Variants in FBXW4 observed in about 807,000 individuals in gnomAD.
FBXW4 encodes F-box/WD repeat-containing protein 4.
In FBXW4, 40 loss-of-function variants were observed where a neutral mutation model predicts 61.8. The ratio of observed to expected loss-of-function variants is 0.65; its 90% CI spans 0.50 to 0.84. The LOEUF (loss-of-function observed/expected upper bound fraction) is 0.84. Ranked by LOEUF, FBXW4 falls within the 40% of genes least tolerant of loss-of-function variation. The pLI is 0.00. For synonymous variants in FBXW4, 311 were observed against 313.8 expected (o/e 0.99, Z 0.10); for missense variants, 672 against 753.8 (o/e 0.89, Z 1.27).
chr10:101,668,657 G>A (rs530449150), intron 4 of FBXW4, among the ~76,000 whole-genome samples: 1 of 152,258 alleles, frequency 6.6e-6, no homozygotes, highest in Admixed American at 6.5e-5. Context: ...ATTGCTTGGA[G>A]CACATTATCT....
intron 6 of FBXW4, among the ~76,000 whole-genome samples, chr10:101,613,732 G>A (rs1046073887): frequency 6.6e-6 from 1 of 152,218 alleles, no homozygotes; most frequent in African/African-American, 2.4e-5. Context: ...CAAAGGAGGA[G>A]ACTGGGGGTT....
intron 5 of FBXW4, among the ~76,000 whole-genome samples, chr10:101,660,910 G>A (rs1285369593): frequency 6.6e-6 from 1 of 152,204 alleles, no homozygotes; most frequent in Non-Finnish European, 1.5e-5. Context: ...AGACTATGCT[G>A]TCTAGTTCAC....
At chr10:101,674,664 AAC>A (rs1433838249) in intron 2 of FBXW4, among the ~76,000 whole-genome samples, 1 of 152,254 alleles carries the variant, frequency 6.6e-6, no homozygotes, top group Non-Finnish European at 1.5e-5. Flanking sequence ...GCAATGGAAA[AAC>A]ACAGCCCCAG....
rs573858151 is a variant in FBXW4 at position 101,637,479 on chromosome 10, G to A, written c.1236-12669C>T. On this transcript the variant is annotated intron_variant, in intron 5 of 8. Coordinates refer to ENST00000331272, the MANE Select transcript of FBXW4 (RefSeq NM_022039.4). Reference sequence around the variant, plus strand: ...TCCCAGCACTTTGGGAGACCAAGGCGGGCAGATCACTTGAGGCTAGGAGTT... The same window carrying A: ...TCCCAGCACTTTGGGAGACCAAGGCAGGCAGATCACTTGAGGCTAGGAGTT... Among the ~76,000 whole-genome samples, 16 of 150,778 alleles carry A rather than the reference G, an allele frequency of 1.1e-4. No homozygotes were observed. The South Asian group carries it at 1.3e-3, about 12-fold the overall frequency.
Position 101,695,015 on chromosome 10 carries a change from C to CCCT in FBXW4, c.88_90dup (p.Arg30dup), listed in dbSNP as rs1258515521. 1.9e-6 allele frequency: 2 copies of CCCT among 1,074,400 alleles called. No individual in the cohort carries two copies. The highest frequency in any genetic ancestry group is 3.3e-5 in the African/African-American group (2 of 60,376). The allele number at this position is 1,074,400 out of a possible 1,614,324, so 66.6% of individuals were successfully genotyped here. ...CCCTTCCTTCGCTTCCCCCTCGCCA[C>CCCT]CCTCCCTTCCTGCAGCTTCCTCGCC... On this transcript the variant is annotated inframe_insertion, in exon 1 of 9. Transcript: ENST00000331272. This position sits in a 1 kb window ranked among gnomAD's most constrained non-coding sequence, Gnocchi z 4.2.
At chr10:101,683,382 C>T (rs1235802365) in intron 1 of FBXW4, among the ~76,000 whole-genome samples, 2 of 152,202 alleles carry the variant, frequency 1.3e-5, no homozygotes, top group East Asian at 3.8e-4. Context: ...CTCATTTTTC[C>T]ACTAGGCCCC....
At chr10:101,648,369 C>T (rs980048919) in intron 5 of FBXW4, among the ~76,000 whole-genome samples, 1 of 152,176 alleles carries the variant, frequency 6.6e-6, no homozygotes, top group African/African-American at 2.4e-5. Flanking sequence ...AAAACAGTAT[C>T]TTTTCTCAGC....
chr10:101,668,043 C>T, intron 4 of FBXW4, 63 bp from the exon 5 acceptor site: 5 of 1,281,140 alleles, frequency 3.9e-6, no homozygotes, highest in East Asian at 2.3e-5. Context: ...AGGAGAGGTG[C>T]TCCGGGAGAG....
chr10:101,687,276 C>G (rs1343978667), intron 1 of FBXW4, among the ~76,000 whole-genome samples: 1 of 152,164 alleles, frequency 6.6e-6, no homozygotes, highest in African/African-American at 2.4e-5. Flanking sequence ...CTTCGGACTG[C>G]TCCCAACAGC....
chr10:101,677,026 C>A (rs12261112), intron 1 of FBXW4, among the ~76,000 whole-genome samples: 1,574 of 152,152 alleles, frequency 0.01, 25 homozygotes, highest in African/African-American at 0.032. Context: ...GAATTTGTAC[C>A]GTGATGAGGA....
chr10:101,638,561 T>C (rs2064023968), intron 5 of FBXW4, among the ~76,000 whole-genome samples: 2 of 152,000 alleles, frequency 1.3e-5, no homozygotes, highest in African/African-American at 4.8e-5. Flanking sequence ...CTTTCTATTC[T>C]ATATATTTTA....
chr10:101,627,621 C>T (rs996529369), intron 5 of FBXW4, among the ~76,000 whole-genome samples: 2 of 152,112 alleles, frequency 1.3e-5, no homozygotes, highest in African/African-American at 4.8e-5. Context: ...AAAGGGCGTG[C>T]GCACATGCAA....
chr10:101,634,417 A>G (rs1280346244), intron 5 of FBXW4, among the ~76,000 whole-genome samples: 1 of 149,234 alleles, frequency 6.7e-6, no homozygotes, highest in African/African-American at 2.5e-5. Context: ...TACTTAATCA[A>G]TTGATTCTAA....
At position 101,611,625 on chromosome 10, in the gene FBXW4, T is replaced by TA; in HGVS notation, c.1584+2dup. 6.2e-7 allele frequency: 1 copy of TA among 1,614,078 alleles called. No homozygotes were observed. Among genetic ancestry groups the TA allele is most frequent in the East Asian group, 2.2e-5 (1 of 44,880 alleles). On this transcript the variant is annotated splice_region_variant and intron_variant, in intron 8 of 8. Transcript: ENST00000331272. The surrounding 1 kb of genome is among the most constrained non-coding windows in gnomAD (Gnocchi z 4.9). The stretch of plus-strand genomic sequence containing the variant: ...CTGGAGAAGAGGTGGGCAGGACACT[T>TA]ACGTGCAGGCAGGCCCTTTGACGCC...
intron 5 of FBXW4, among the ~76,000 whole-genome samples, chr10:101,635,842 G>GAAAA (rs764437277): frequency 8.3e-6 from 1 of 121,084 alleles, no homozygotes; most frequent in Non-Finnish European, 1.7e-5. Flanking sequence ...CCCGGTCTCA[G>GAAAA]AAAAAAAAAA....
chr10:101,676,670 G>C (rs1249725844), intron 1 of FBXW4: 1 of 117,442 alleles, frequency 8.5e-6, no homozygotes, highest in African/African-American at 3.5e-5. Flanking sequence ...ATCTAATGGA[G>C]AATGCATGAC....
intron 4 of FBXW4, 111 bp from the exon 5 acceptor site, chr10:101,668,091 G>T: frequency 1.2e-6 from 1 of 800,828 alleles, no homozygotes; most frequent in Non-Finnish European, 2.1e-6. Context: ...AATCCTTTAT[G>T]CCCTGCACAC....
chr10:101,687,743 C>A (rs375003948), intron 1 of FBXW4, among the ~76,000 whole-genome samples: 51 of 152,314 alleles, frequency 3.3e-4, no homozygotes, highest in Middle Eastern at 6.8e-3. Context: ...AGTCTAGGAA[C>A]AAATTCATCA....
At chr10:101,656,332 G>A (rs546793856) in intron 5 of FBXW4, among the ~76,000 whole-genome samples, 72 of 152,322 alleles carry the variant, frequency 4.7e-4, no homozygotes, top group Non-Finnish European at 8.1e-4. Context: ...AGACATAAGT[G>A]TCTCCAGCCT....
Sources: gnomAD v4.1 joint callset for allele counts (sites outside exome capture counted in the v4.1 genomes callset) on GRCh38, gnomAD v4.1.1 for gene constraint, Gnocchi (gnomAD v3.1) non-coding constraint, MANE v1.5 for transcripts, NCBI Gene and HGNC (gene_info 2026-07-23, HGNC 2026-07-21) for gene names.